PITRM1: variants seen among roughly 807,000 people sequenced by gnomAD.
PITRM1 encodes presequence protease, mitochondrial.
In PITRM1, 100 loss-of-function variants were observed where a neutral mutation model predicts 129.9. That is an observed-to-expected ratio of 0.77 (90% CI 0.65 to 0.91). The LOEUF (loss-of-function observed/expected upper bound fraction) is 0.91. PITRM1 is among the 40% of genes least tolerant of loss of function. PITRM1 has a pLI of 0.00. For missense variants in PITRM1, 1,471 were observed against 1,318.3 expected (o/e 1.12, Z -1.79); for synonymous variants, 591 against 508.8 (o/e 1.16, Z -2.17).
chr10:3,158,835 G>A (rs562321344), intron 10 of PITRM1, 79 bp downstream of exon 10: 359 of 1,309,836 alleles, frequency 2.7e-4, no homozygotes, highest in African/African-American at 2.2e-3. Context: ...GTGTGGGGCC[G>A]GGACAGGGTG....
rs373716939 is a variant in PITRM1 at position 3,167,014 on chromosome 10, G to C, written c.188C>G (p.Thr63Ser). The C allele has an allele frequency of 4.3e-6, 7 of 1,609,294 alleles. No individual in the cohort carries two copies. The highest frequency in any genetic ancestry group is 4.0e-5 in the African/African-American group (3 of 74,898). The stretch of plus-strand genomic sequence containing the variant: ...GTCATCATGGGTGAGCTTCACTGCA[G>C]TCAGGAACAGCTCGGGAACAGATGT... ...QVTSVPELFL[T>S]AVKLTHDDTG... Residue 63 changes from threonine to serine, a missense_variant, in exon 3 of 27, where the codon ACT (threonine) becomes AGT (serine). Coordinates refer to ENST00000224949, the MANE Select transcript of PITRM1 (RefSeq NM_014889.4).
intron 23 of PITRM1, among the ~76,000 whole-genome samples, chr10:3,142,090 G>A (rs1353342289): frequency 6.6e-6 from 1 of 152,198 alleles, no homozygotes; most frequent in Non-Finnish European, 1.5e-5. Flanking sequence ...TGCCCAGGGG[G>A]AACCTCCACA....
intron 14 of PITRM1, among the ~76,000 whole-genome samples, chr10:3,153,054 G>A (rs1295208127): frequency 6.6e-6 from 1 of 152,190 alleles, no homozygotes; most frequent in Non-Finnish European, 1.5e-5. Context: ...TCTACAGATT[G>A]GCTTTTAATT....
chr10:3,147,371 G>C (rs1270716545), intron 19 of PITRM1, 121 bp from the exon 20 acceptor site: 3 of 962,592 alleles, frequency 3.1e-6, no homozygotes, highest in Non-Finnish European at 4.8e-6. Flanking sequence ...CGAGTGCACG[G>C]CTTGGGCAGG....
Position 3,165,438 on chromosome 10 carries a change from G to C in PITRM1, c.508C>G (p.Pro170Ala). Reference protein sequence around the residue: ...LSVYLDATFFPCLRELDFWQE... With the variant: ...LSVYLDATFFACLRELDFWQE... ...CAGAAATCCAGCTCGCGTAAACATG[G>C]GAAAAAGGTGGCATCCAAATACACC... The change falls in exon 5 of 27, where the codon CCA (proline) becomes GCA (alanine). Residue 170 changes from proline (P) to alanine (A), a missense_variant. Coordinates refer to ENST00000224949, the MANE Select transcript of PITRM1 (RefSeq NM_014889.4). The C allele has an allele frequency of 6.2e-7, 1 of 1,613,200 alleles. No individual in the cohort carries two copies. The highest frequency in any genetic ancestry group is 8.5e-7 in the Non-Finnish European group (1 of 1,179,606).
At chr10:3,139,157 A>C (rs972016041) in intron 24 of PITRM1, 108 bp from the exon 25 acceptor site, 1 of 909,682 alleles carries the variant, frequency 1.1e-6, no homozygotes, top group East Asian at 2.4e-5. Context: ...TAACAGCTCT[A>C]TTTTATATCT....
At chr10:3,160,087 C>T in intron 8 of PITRM1, 117 bp downstream of exon 8, 9 of 1,274,048 alleles carry the variant, frequency 7.1e-6, no homozygotes, top group Non-Finnish European at 8.8e-6. Flanking sequence ...GCTTGAAAAG[C>T]TCTCCCATAC....
intron 2 of PITRM1, among the ~76,000 whole-genome samples, chr10:3,169,029 A>G (rs908374854): frequency 6.9e-6 from 1 of 144,270 alleles, no homozygotes; most frequent in Admixed American, 7.0e-5. Flanking sequence ...TGAGCCCAGG[A>G]GTTCGAGGCT....
intron 14 of PITRM1, among the ~76,000 whole-genome samples, chr10:3,153,728 G>A (rs1841723173): frequency 6.6e-6 from 1 of 152,140 alleles, no homozygotes; most frequent in Non-Finnish European, 1.5e-5. Flanking sequence ...TCTTTTACAT[G>A]ATGTAACTTC....
intron 7 of PITRM1, among the ~76,000 whole-genome samples, 196 bp from the exon 8 acceptor site, chr10:3,160,526 C>G (rs1842357799): frequency 6.6e-6 from 1 of 152,008 alleles, no homozygotes; most frequent in African/African-American, 2.4e-5. Flanking sequence ...TAACTTATTA[C>G]AGTATATTGT....
At chr10:3,145,209 G>C (rs1001221964) in intron 21 of PITRM1, 21 of 193,364 alleles carry the variant, frequency 1.1e-4, no homozygotes, top group African/African-American at 4.2e-4. Context: ...TACTAAGTTA[G>C]TTATCACCGA....
chr10:3,166,098 T>G (rs1380669780), intron 4 of PITRM1, 131 bp downstream of exon 4: 1 of 665,752 alleles, frequency 1.5e-6, no homozygotes, highest in Non-Finnish European at 2.4e-6. Context: ...GTCCTTCAAC[T>G]AGAGAGAGGT....
chr10:3,145,913 G>C, intron 20 of PITRM1, 197 bp from the exon 21 acceptor site: 2 of 565,926 alleles, frequency 3.5e-6, no homozygotes, highest in Non-Finnish European at 6.3e-6. Context: ...TTTCCGCACA[G>C]TTCAATGTGG....
chr10:3,139,719 A>G (rs2131804095), intron 24 of PITRM1, among the ~76,000 whole-genome samples: 1 of 152,356 alleles, frequency 6.6e-6, no homozygotes, highest in East Asian at 1.9e-4. Context: ...GCTGGTGTGC[A>G]GTGGCGCAAT....
In PITRM1 at chr10:3,151,329, T is replaced by G. The variant is rs754487987; in HGVS notation, c.1656A>C (p.Gln552His). The stretch of plus-strand genomic sequence containing the variant: ...TCAACGCTGGCAGACAAGAGGCATC[T>G]TGAGGTTTGCTTTGTTGACTCCGTA... ...LELRSQQSKP[Q>H]DASCLPALKV... Residue 552 changes from glutamine (Q) to histidine (H), a missense_variant, in exon 15 of 27, where the codon CAA becomes CAC. Gln to His is a conservative substitution (Grantham distance 24, BLOSUM62 0). Transcript: ENST00000224949. 6.2e-7 allele frequency: 1 copy of G among 1,610,902 alleles called. No individual in the cohort carries two copies. Among genetic ancestry groups the G allele is most frequent in the South Asian group, 1.1e-5 (1 of 90,212 alleles).
chr10:3,158,083 T>C lies in PITRM1; in HGVS notation c.1207A>G (p.Thr403Ala). The change falls in exon 11 of 27, where the codon ACC (threonine) becomes GCC (alanine). Residue 403 changes from threonine (T) to alanine (A), a missense_variant. Coordinates refer to ENST00000224949, the MANE Select transcript of PITRM1 (RefSeq NM_014889.4). ...GTTCTGTCTATGAGGCTTCTGACGG[T>C]CTCAATGTCTTTCTCCGCAATCCCT... Reference protein sequence around the residue: ...LQGIAEKDIETVRSLIDRTID... With the variant: ...LQGIAEKDIEAVRSLIDRTID... 1 of 1,611,576 alleles carries C rather than the reference T, an allele frequency of 6.2e-7. No homozygotes were observed. The highest frequency in any genetic ancestry group is 1.1e-5 in the South Asian group (1 of 91,014).
At position 3,172,754 on chromosome 10, in the gene PITRM1, G is replaced by C. The variant is rs371454397; in HGVS notation, c.19C>G (p.Arg7Gly). MWRCGG[R>G]QGLCVLRRLS... ...CGCCTCAGCACACACAGGCCCTGCC[G>C]CCCGCCGCAGCGCCACATTGCGCAT... The change falls in exon 1 of 27, where the codon CGG (arginine) becomes GGG (glycine). Residue 7 changes from arginine to glycine, a missense_variant. Coordinates refer to ENST00000224949, the MANE Select transcript of PITRM1 (RefSeq NM_014889.4). 1 of 1,545,174 alleles carries C rather than the reference G, an allele frequency of 6.5e-7. No individual in the cohort carries two copies. The highest frequency in any genetic ancestry group is 1.4e-5 in the African/African-American group (1 of 72,746).
Position 3,151,347 on chromosome 10 carries a change from A to G in PITRM1, c.1638T>C (p.Ser546=), listed in dbSNP as rs1165343729. ...AGGCATCTTGAGGTTTGCTTTGTTG[A>G]CTCCGTAATTCTAGACCTAAAAAAG... ...QIYEKGLELR[S]QQSKPQDASC... The change falls in exon 15 of 27, where the codon AGT becomes AGC. Residue 546 remains serine (S), a synonymous_variant. Transcript: ENST00000224949. The G allele has an allele frequency of 6.2e-7, 1 of 1,605,368 alleles. No individual in the cohort carries two copies. Among genetic ancestry groups the G allele is most frequent in the East Asian group, 2.2e-5 (1 of 44,812 alleles).
intron 23 of PITRM1, chr10:3,141,715 C>A (rs748697442): frequency 1.1e-5 from 5 of 466,120 alleles, no homozygotes; most frequent in Admixed American, 2.4e-5. Flanking sequence ...CCCAGGTCGC[C>A]GCTTCCACAG....
Sources: allele counts gnomAD v4.1 joint callset (sites outside exome capture counted in the v4.1 genomes callset), GRCh38; gene constraint gnomAD v4.1.1; transcripts MANE v1.5; gene names NCBI Gene and HGNC (gene_info 2026-07-23, HGNC 2026-07-21).